Variants in USP22 observed in about 807,000 individuals in gnomAD.
USP22 encodes ubiquitin specific peptidase 22, also known as ubiquitin carboxyl-terminal hydrolase 22.
Under a neutral mutation model 68.1 loss-of-function variants are expected in USP22, and 22 were observed. That is an observed-to-expected ratio of 0.32 (90% CI 0.23 to 0.46). The LOEUF (loss-of-function observed/expected upper bound fraction) is 0.46, where lower values mean the gene tolerates loss of function less well. Ranked by LOEUF, USP22 falls within the 20% of genes least tolerant of loss-of-function variation. USP22 has a pLI of 1.00. For synonymous variants in USP22, 279 were observed against 274.2 expected, an observed-to-expected ratio of 1.02 and a Z score of -0.17; for missense variants, 433 against 695.8, an observed-to-expected ratio of 0.62 and a Z score of 4.25.
chr17:21,019,084 C>A lies in USP22; in HGVS notation c.520G>T (p.Gly174Cys). The stretch of plus-strand genomic sequence containing the variant: ...GAGAGTGACGACACGCTCCACCCAC[C>A]TATGGTGCAGTTCGAGGTGATCTTT... The part of the protein sequence containing the change: ...RRKITSNCTI[G>C]LRGLINLGNT... Residue 174 changes from glycine to cysteine, a missense_variant and splice_region_variant, in exon 4 of 13, where the codon GGT becomes TGT. Around this residue, in one of 4 missense-constraint regions of USP22, gnomAD observed 144 missense variants for 237.2 expected, o/e 0.61. Coordinates refer to ENST00000261497, the MANE Select transcript of USP22 (RefSeq NM_015276.2). The A allele has an allele frequency of 6.2e-7, 1 of 1,614,092 alleles. No individual in the cohort carries two copies. Among genetic ancestry groups the A allele is most frequent in the Non-Finnish European group, 8.5e-7 (1 of 1,179,942 alleles).
intron 3 of USP22, among the ~76,000 whole-genome samples, chr17:21,020,244 CAAAAAAAAAAAAAAA>C (rs3047597): frequency 1.4e-5 from 1 of 73,252 alleles, no homozygotes; most frequent in African/African-American, 5.2e-5. Context: ...AATCAAAAAC[CAAAAAAAAAAAAAAA>C]AAAAAAAAAA....
At chr17:21,010,311 A>C (rs968367884) in intron 8 of USP22, among the ~76,000 whole-genome samples, 1 of 152,238 alleles carries the variant, frequency 6.6e-6, no homozygotes, top group Non-Finnish European at 1.5e-5. Context: ...CAAAGGCTAT[A>C]AAATAATAGA....
intron 1 of USP22, among the ~76,000 whole-genome samples, chr17:21,041,533 G>A (rs1390694581): frequency 6.6e-6 from 1 of 152,180 alleles, no homozygotes; most frequent in African/African-American, 2.4e-5. Context: ...GGGAGGCGGA[G>A]ATTGTAGTGA....
rs1913646615 is a variant in USP22 at position 21,003,061 on chromosome 17, G to A, written c.1548C>T (p.Phe516=). ...CGTATTCCAGGAACTGTTTGTGATAGAACAGCAAGTACCTGTGGAGGCAGA... is the reference window on the plus strand; with the variant it reads ...CGTATTCCAGGAACTGTTTGTGATAAAACAGCAAGTACCTGTGGAGGCAGA... ...DVLDSEGYLL[F]YHKQFLEYE is the part of the protein sequence containing the mutation. Residue 516 remains phenylalanine (F), a synonymous_variant, in exon 13 of 13, where the codon TTC becomes TTT. Transcript: ENST00000261497. The A allele has an allele frequency of 6.2e-7, 1 of 1,613,980 alleles. No homozygotes were observed. Among genetic ancestry groups the A allele is most frequent in the Non-Finnish European group, 8.5e-7 (1 of 1,179,946 alleles).
Position 21,039,390 on chromosome 17 carries a change from C to G in USP22, c.171+3275G>C, listed in dbSNP as rs1466709009. Among the ~76,000 whole-genome samples, 9 of 151,392 alleles carry G rather than the reference C, an allele frequency of 5.9e-5. No homozygotes were observed. The East Asian group carries it at 1.8e-3, about 30-fold the overall frequency. On this transcript the variant is annotated intron_variant, in intron 1 of 12. Transcript: ENST00000261497. ...GTTGGGAGTTCGAGACCAGTCTGAC[C>G]AACATGAAGAAACCCCATCTCTACG...
chr17:21,029,086 G>A lies in USP22; in HGVS notation c.172-412C>T, dbSNP rs549788131. 2.8e-4 allele frequency among the ~76,000 whole-genome samples: 43 copies of A among 152,250 alleles called. No individual in the cohort carries two copies. The South Asian group carries it at 6.2e-3, about 22-fold the overall frequency. On this transcript the variant is annotated intron_variant, in intron 1 of 12. Coordinates refer to ENST00000261497, the MANE Select transcript of USP22 (RefSeq NM_015276.2). Reference sequence around the variant, plus strand: ...TTCCAGGACCACAGCAAATTTAGAAGCCAACAAGAAAAAGGGAGGGAGACA... The same window carrying A: ...TTCCAGGACCACAGCAAATTTAGAAACCAACAAGAAAAAGGGAGGGAGACA...
At chr17:21,020,208 T>C (rs985704429) in intron 3 of USP22, among the ~76,000 whole-genome samples, 10 of 123,314 alleles carry the variant, frequency 8.1e-5, no homozygotes, top group African/African-American at 3.2e-4. Context: ...TCACTATCAC[T>C]GTCAACCACT....
intron 12 of USP22, 68 bp from the exon 13 acceptor site, chr17:21,003,141 C>CT (rs1913650591): frequency 1.9e-6 from 3 of 1,587,836 alleles, no homozygotes; most frequent in African/African-American, 2.7e-5. Flanking sequence ...ACAACCCACC[C>CT]TACACAAAAG....
chr17:21,021,852 C>T (rs906435272), intron 2 of USP22, among the ~76,000 whole-genome samples: 1 of 152,166 alleles, frequency 6.6e-6, no homozygotes, highest in Non-Finnish European at 1.5e-5. Flanking sequence ...GTTACCCCAG[C>T]ACTTTGGGAA....
At chr17:21,025,641 A>T (rs1115509) in intron 2 of USP22, among the ~76,000 whole-genome samples, 3 of 152,218 alleles carry the variant, frequency 2.0e-5, no homozygotes, top group Non-Finnish European at 4.4e-5. Context: ...GGTCTACATA[A>T]ACAATGGAAC....
intron 6 of USP22, chr17:21,015,532 G>C (rs561847871): frequency 8.5e-6 from 5 of 585,168 alleles, no homozygotes; most frequent in Non-Finnish European, 1.4e-5. Context: ...CATACTGCTG[G>C]AACTACTTCC....
intron 1 of USP22, among the ~76,000 whole-genome samples, chr17:21,036,274 T>C (rs562598349): frequency 1.6e-4 from 25 of 152,152 alleles, no homozygotes; most frequent in African/African-American, 6.0e-4. Context: ...ACTGTAGTTG[T>C]GGATGCCTCT....
At chr17:21,041,807 C>G (rs1972436449) in intron 1 of USP22, among the ~76,000 whole-genome samples, 3 of 152,246 alleles carry the variant, frequency 2.0e-5, no homozygotes, top group African/African-American at 7.2e-5. Flanking sequence ...GATTTCCAAA[C>G]CCTTACCAAG....
At position 21,042,831 on chromosome 17, in the gene USP22, A is replaced by C. The variant is rs1972458926; in HGVS notation, c.5T>G (p.Val2Gly). The C allele has an allele frequency of 7.4e-7, 1 of 1,358,610 alleles. No individual in the cohort carries two copies. The allele number at this position is 1,358,610 out of a possible 1,614,324, so 84.2% of individuals were successfully genotyped here. A position where few individuals can be genotyped will look rare whatever the true frequency, so the allele number is the denominator to read the frequency against. The change falls in exon 1 of 13, where the codon GTG becomes GGG. Residue 2 changes from valine (V) to glycine (G), a missense_variant. Val to Gly is a moderately radical substitution (Grantham distance 109). Coordinates refer to ENST00000261497, the MANE Select transcript of USP22 (RefSeq NM_015276.2). M[V>G]SRPEPEGEAM... is the part of the protein sequence containing the mutation. ...CTCGCCCTCGGGCTCTGGCCGGGAC[A>C]CCATGGGGGGCAAGGCCCGGCCGCG... is the stretch of plus-strand genomic sequence containing the variant.
chr17:21,021,015 C>A, intron 3 of USP22, 98 bp downstream of exon 3: 1 of 970,374 alleles, frequency 1.0e-6, no homozygotes, highest in South Asian at 1.4e-5. Flanking sequence ...CAGCCTGCCA[C>A]TTCCCACCTA....
At chr17:21,009,200 G>A (rs540529267) in intron 8 of USP22, among the ~76,000 whole-genome samples, 2 of 151,950 alleles carry the variant, frequency 1.3e-5, no homozygotes, top group South Asian at 4.1e-4. Context: ...TCTGGCACAG[G>A]TGTCAGCTGC....
At chr17:21,007,721 C>T (rs1567790200) in intron 9 of USP22, 149 bp downstream of exon 9, 10 of 1,003,904 alleles carry the variant, frequency 1.0e-5, no homozygotes, top group African/African-American at 1.6e-5. Flanking sequence ...GATGGGAGGA[C>T]AATTCCCTCA....
chr17:21,029,599 T>C (rs1317862608), intron 1 of USP22, among the ~76,000 whole-genome samples: 1 of 152,112 alleles, frequency 6.6e-6, no homozygotes, highest in Non-Finnish European at 1.5e-5. Context: ...AAAAATACTG[T>C]GTCATTCACA....
intron 10 of USP22, among the ~76,000 whole-genome samples, chr17:21,005,451 T>A (rs111914349): frequency 0.014 from 2,087 of 152,216 alleles, 61 homozygotes; most frequent in African/African-American, 0.047. Flanking sequence ...CCTGGTGAGA[T>A]GGGGGAGAGG....
Sources: allele counts gnomAD v4.1 joint callset (sites outside exome capture counted in the v4.1 genomes callset), GRCh38; gene constraint gnomAD v4.1.1; regional missense constraint gnomAD v4.1.1; transcripts MANE v1.5; gene names NCBI Gene and HGNC (gene_info 2026-07-23, HGNC 2026-07-21).